TCHP: variants seen among roughly 807,000 people sequenced by gnomAD.
TCHP encodes trichoplein keratin filament-binding protein.
In TCHP, 81 loss-of-function variants were observed where a neutral mutation model predicts 88.7. The observed-to-expected ratio is 0.91, with a 90% CI of 0.76 to 1.10. TCHP has a LOEUF of 1.10. Among genes scored for constraint, TCHP ranks in the 50% least tolerant of loss-of-function variants. The pLI is 0.00. For missense variants in TCHP, 641 were observed against 632.1 expected, an observed-to-expected ratio of 1.01 and a Z score of -0.15; for synonymous variants, 232 against 232.5, an observed-to-expected ratio of 1.00 and a Z score of 0.02.
chr12:109,904,862 T>C, intron 4 of TCHP, 69 bp downstream of exon 4: 1 of 1,404,174 alleles, frequency 7.1e-7, no homozygotes, highest in Non-Finnish European at 9.9e-7. Flanking sequence ...CTTTTTTTTT[T>C]GAACACGTAT....
At chr12:109,906,688 C>T in intron 5 of TCHP, 48 bp downstream of exon 5, 1 of 1,488,562 alleles carries the variant, frequency 6.7e-7, no homozygotes, top group Non-Finnish European at 9.3e-7. Flanking sequence ...CTGTGCGAGA[C>T]TGTTCACGTC....
chr12:109,909,320 T>C (rs955761709), intron 8 of TCHP, among the ~76,000 whole-genome samples: 6 of 152,192 alleles, frequency 3.9e-5, no homozygotes. Context: ...TCAGTAACTG[T>C]GTTACTTAAA....
At chr12:109,913,136 GGTCA>G (rs1870609111) in intron 10 of TCHP, 64 bp downstream of exon 10, 2 of 1,473,650 alleles carry the variant, frequency 1.4e-6, no homozygotes, top group Admixed American at 3.4e-5. Context: ...GGAAGTCCAT[GGTCA>G]GTCACCCTGC....
the TCHP span, chr12:109,888,195 G>A: frequency 6.6e-6 from 1 of 152,284 alleles, no homozygotes; most frequent in South Asian, 2.1e-4. Flanking sequence ...GGGCGAGGAA[G>A]AGAGAAAACA....
At chr12:109,904,547 A>G (rs1870013873) in intron 3 of TCHP, among the ~76,000 whole-genome samples, 190 bp from the exon 4 acceptor site, 1 of 152,164 alleles carries the variant, frequency 6.6e-6, no homozygotes. Flanking sequence ...TCATCATTGC[A>G]AGAGTCACTT....
rs763807261 is a variant in TCHP at position 109,904,078 on chromosome 12, C to T, written c.330C>T (p.Asn110=). 1.2e-6 allele frequency: 2 copies of T among 1,600,804 alleles called. No homozygotes were observed. The highest frequency in any genetic ancestry group is 2.7e-5 in the African/African-American group (2 of 74,622). Residue 110 remains asparagine (N), a synonymous_variant, in exon 3 of 13, where the codon AAC becomes AAT. Coordinates refer to ENST00000405876, the MANE Select transcript of TCHP (RefSeq NM_001143852.2). ...TGGAGGAGCTGAGGCTGAGCATGAACTTGCAGGAAAGAAGAATCCGGGAGC... is the reference window on the plus strand; with the variant it reads ...TGGAGGAGCTGAGGCTGAGCATGAATTTGCAGGAAAGAAGAATCCGGGAGC... ...RELEELRLSM[N]LQERRIREQH...
chr12:109,887,320 G>A, the TCHP span, among the ~76,000 whole-genome samples: 3 of 151,120 alleles, frequency 2.0e-5, no homozygotes, highest in African/African-American at 7.3e-5. Flanking sequence ...TACTCGGGAG[G>A]CTGAGGCAGG....
chr12:109,913,193 G>C, intron 10 of TCHP, 121 bp downstream of exon 10: 1 of 827,504 alleles, frequency 1.2e-6, no homozygotes, highest in Non-Finnish European at 2.0e-6. Context: ...ATTTTAAGTG[G>C]GCTTTAAAAA....
In TCHP at chr12:109,901,663, C is replaced by T. The variant is rs1169831964; in HGVS notation, c.-1+1237C>T. Among the ~76,000 whole-genome samples the T allele has an allele frequency of 2.0e-5, 3 of 152,216 alleles. 1 individual carries two copies. In the South Asian group the frequency reaches 6.2e-4, roughly 31 times the overall value. On this transcript the variant is annotated intron_variant, in intron 1 of 12. Coordinates refer to ENST00000405876, the MANE Select transcript of TCHP (RefSeq NM_001143852.2). ...TTATGAAAGATTTAGAGCCCCTGCACCTGGAACTGTTGTTTCTCTGTAACC... is the reference window on the plus strand; with the variant it reads ...TTATGAAAGATTTAGAGCCCCTGCATCTGGAACTGTTGTTTCTCTGTAACC...
At chr12:109,906,077 G>A (rs993888898) in intron 4 of TCHP, among the ~76,000 whole-genome samples, 1 of 152,212 alleles carries the variant, frequency 6.6e-6, no homozygotes, top group Non-Finnish European at 1.5e-5. Flanking sequence ...GAGATTGTCT[G>A]CGCTCAAATC....
the TCHP span, among the ~76,000 whole-genome samples, chr12:109,893,869 G>C: frequency 1.3e-5 from 2 of 152,218 alleles, no homozygotes; most frequent in African/African-American, 4.8e-5. Flanking sequence ...GGGACAGAGA[G>C]AGAGAGAAAT....
At chr12:109,890,268 C>T in the TCHP span, among the ~76,000 whole-genome samples, 3 of 145,478 alleles carry the variant, frequency 2.1e-5, no homozygotes, top group African/African-American at 7.6e-5. Context: ...GAAAATGAAC[C>T]AACCTGTGCA....
At chr12:109,899,334 A>G (rs1360327528), upstream of TCHP, among the ~76,000 whole-genome samples, 1 of 152,214 alleles carries the variant, frequency 6.6e-6, no homozygotes, top group Non-Finnish European at 1.5e-5. Flanking sequence ...CACCACCAAT[A>G]TAAGACTATA....
intron 1 of TCHP, among the ~76,000 whole-genome samples, chr12:109,902,199 A>G (rs964283739): frequency 6.6e-6 from 1 of 152,122 alleles, no homozygotes; most frequent in Non-Finnish European, 1.5e-5. Context: ...TTTGAGACAG[A>G]GTCTCACTGT....
chr12:109,904,586 G>T (rs1870015283), intron 3 of TCHP, 151 bp from the exon 4 acceptor site: 5 of 661,790 alleles, frequency 7.6e-6, no homozygotes, highest in Non-Finnish European at 1.0e-5. Context: ...TCAGAGCTGT[G>T]CATGTGAAGC....
rs564973125 is a variant in TCHP, at chr12:109,916,310, A to G, written c.1465-281A>G. On this transcript the variant is annotated intron_variant, in intron 12 of 12. Coordinates refer to ENST00000405876, the MANE Select transcript of TCHP (RefSeq NM_001143852.2). Reference sequence around the variant, plus strand: ...CTCGCCCTCAAACACTGACTGTCACAGTCACAGGGAACAGCATTTCCTAAA... The same window carrying G: ...CTCGCCCTCAAACACTGACTGTCACGGTCACAGGGAACAGCATTTCCTAAA... 1.2e-4 allele frequency among the ~76,000 whole-genome samples: 18 copies of G among 152,248 alleles called. 1 individual carries two copies. Among genetic ancestry groups the G allele is most frequent in the Non-Finnish European group, 2.4e-4 (16 of 68,038 alleles).
At chr12:109,885,118 G>A in the TCHP span, among the ~76,000 whole-genome samples, 19 of 152,144 alleles carry the variant, frequency 1.2e-4, no homozygotes, top group African/African-American at 4.3e-4. Flanking sequence ...ACAGGCACCT[G>A]CCACCACACC....
chr12:109,882,798 A>G, the TCHP span, among the ~76,000 whole-genome samples: 1 of 151,806 alleles, frequency 6.6e-6, no homozygotes, highest in Non-Finnish European at 1.5e-5. Context: ...CTGGGATTAC[A>G]GGCATTTGCC....
chr12:109,897,018 C>T (rs1032363941), upstream of TCHP, among the ~76,000 whole-genome samples: 2 of 152,072 alleles, frequency 1.3e-5, no homozygotes, highest in Non-Finnish European at 2.9e-5. Flanking sequence ...CACGATGATC[C>T]CTGCTCTTGT....
Sources: gnomAD v4.1 joint callset for allele counts (sites outside exome capture counted in the v4.1 genomes callset) on GRCh38, gnomAD v4.1.1 for gene constraint, MANE v1.5 for transcripts, NCBI Gene and HGNC (gene_info 2026-07-23, HGNC 2026-07-21) for gene names.